KCNT1: variants seen among roughly 807,000 people sequenced by gnomAD.
KCNT1 encodes the protein potassium channel subfamily T member 1.
KCNT1 carries 78 observed loss-of-function variants against 147.8 expected under a neutral mutation model. That is an observed-to-expected ratio of 0.53 (90% CI 0.44 to 0.64). The LOEUF (loss-of-function observed/expected upper bound fraction) is 0.64. Ranked by LOEUF, KCNT1 falls within the 30% of genes least tolerant of loss-of-function variation. The pLI, the probability that KCNT1 is intolerant of heterozygous loss-of-function variation, is 0.00. For missense variants in KCNT1, 1,419 were observed against 1,750.3 expected, an observed-to-expected ratio of 0.81 and a Z score of 3.38; for synonymous variants, 867 against 748.8, an observed-to-expected ratio of 1.16 and a Z score of -2.58.
intron 29 of KCNT1, among the ~76,000 whole-genome samples, chr9:135,787,061 C>G (rs1233255640): frequency 2.0e-5 from 3 of 152,178 alleles, no homozygotes; most frequent in Admixed American, 2.0e-4. Context: ...CCCAGAGCCC[C>G]CAGCCCTCCC....
At chr9:135,731,985 T>TAGAGAG (rs1564327978) in intron 2 of KCNT1, among the ~76,000 whole-genome samples, 16 of 23,264 alleles carry the variant, frequency 6.9e-4, no homozygotes, top group East Asian at 2.0e-3. Flanking sequence ...TATATATATA[T>TAGAGAG]ATATATAGAG....
chr9:135,719,104 C>G (rs147631693), intron 2 of KCNT1, among the ~76,000 whole-genome samples: 3,770 of 152,310 alleles, frequency 0.025, 101 homozygotes, highest in East Asian at 0.12. Flanking sequence ...GCCATGCTGA[C>G]AGTCTCACTG....
chr9:135,785,748 A>C (rs750911029), intron 28 of KCNT1: 8 of 441,120 alleles, frequency 1.8e-5, no homozygotes, highest in Non-Finnish European at 3.3e-5. Flanking sequence ...CACGTTCCCC[A>C]GGTTCGGGGC....
At chr9:135,768,385 C>A in intron 13 of KCNT1, 1 of 239,770 alleles carries the variant, frequency 4.2e-6, no homozygotes, top group Non-Finnish European at 7.1e-6. Flanking sequence ...ACTGAGGGGG[C>A]ACTGTGACTC....
In KCNT1 at chr9:135,732,026, A is replaced by G. The variant is rs55827856; in HGVS notation, c.254+17306A>G. Among the ~76,000 whole-genome samples the G allele has an allele frequency of 7.9e-4, 104 of 131,754 alleles. 2 individuals are homozygous for G. Among genetic ancestry groups the G allele is most frequent in the African/African-American group, 1.8e-3 (65 of 35,622 alleles). The allele number at this position is 131,754 out of a possible 152,430, so 86.4% of individuals were successfully genotyped here. On this transcript the variant is annotated intron_variant, in intron 2 of 30. Transcript: ENST00000371757. ...GAGAGAGAGAGAGAGAGAGAGAGAG[A>G]GAGAGAGAGAGAGAGGGAGTCTCAC... is the stretch of plus-strand genomic sequence containing the variant.
At chr9:135,731,985 TATATATAGAGAGAGAG>T (rs1256440038) in intron 2 of KCNT1, among the ~76,000 whole-genome samples, 36 of 23,258 alleles carry the variant, frequency 1.5e-3, no homozygotes, top group African/African-American at 5.0e-3. Context: ...TATATATATA[TATATATAGAGAGAGAG>T]AGAGAGAGAG....
intron 1 of KCNT1, among the ~76,000 whole-genome samples, chr9:135,706,427 C>T (rs1835256764): frequency 6.6e-6 from 1 of 152,254 alleles, no homozygotes; most frequent in South Asian, 2.1e-4. Context: ...GTGAGAATGG[C>T]TCCTCCTCAC....
At chr9:135,771,188 AC>A in intron 18 of KCNT1, 93 bp downstream of exon 18, 1 of 1,176,182 alleles carries the variant, frequency 8.5e-7, no homozygotes, top group Non-Finnish European at 1.2e-6. Flanking sequence ...GGGATGGGAG[AC>A]CAGGCAGGAC....
intron 2 of KCNT1, among the ~76,000 whole-genome samples, chr9:135,741,849 C>T (rs1246750677): frequency 6.6e-6 from 1 of 152,256 alleles, no homozygotes; most frequent in Non-Finnish European, 1.5e-5. Context: ...AGAGAGGTCC[C>T]TCTGAAGTCC....
chr9:135,721,013 A>G (rs977157085), intron 2 of KCNT1, among the ~76,000 whole-genome samples: 1 of 152,202 alleles, frequency 6.6e-6, no homozygotes, highest in Admixed American at 6.5e-5. Context: ...GGCCGAGCCC[A>G]AGGGGCAGTG....
chr9:135,791,444 G>C (rs1834518814), intron 29 of KCNT1: 1 of 290,972 alleles, frequency 3.4e-6, no homozygotes. Flanking sequence ...ACACGTCCCG[G>C]TGTCTGCAGG....
chr9:135,784,483 C>CT, intron 25 of KCNT1, 52 bp from the exon 26 acceptor site: 1 of 43,964 alleles, frequency 2.3e-5, no homozygotes. Context: ...CTCACTGTGG[C>CT]TCCCTCCCTC....
rs375929015 is a variant in KCNT1, at chr9:135,758,395, G to A, written c.760-19G>A. On this transcript the variant is annotated intron_variant, in intron 9 of 30. Transcript: ENST00000371757. ...GGTCCACAGTCCCTGCCCGCTGACAGCCACCACTCCTTCCACAGAATGACT... is the reference window on the plus strand; with the variant it reads ...GGTCCACAGTCCCTGCCCGCTGACAACCACCACTCCTTCCACAGAATGACT... The A allele has an allele frequency of 6.9e-5, 111 of 1,598,910 alleles. No individual in the cohort carries two copies. The African/African-American group carries it at 1.3e-3, about 19-fold the overall frequency.
chr9:135,785,242 C>T (rs1833946864), intron 27 of KCNT1, 68 bp from the exon 28 acceptor site: 12 of 1,599,528 alleles, frequency 7.5e-6, no homozygotes, highest in East Asian at 2.2e-5. Flanking sequence ...GTGCAGACCC[C>T]AGGCTGAGGC....
intron 2 of KCNT1, among the ~76,000 whole-genome samples, chr9:135,724,560 T>C (rs1216086874): frequency 6.6e-6 from 1 of 152,236 alleles, no homozygotes; most frequent in Admixed American, 6.5e-5. Flanking sequence ...AAGTTGAGTG[T>C]CTGCTGTAGG....
rs1834712375 is a variant in KCNT1, at chr9:135,794,047, G to C, written c.*1886G>C. 6.6e-6 allele frequency: 1 copy of C among 152,422 alleles called. No homozygotes were observed. Among genetic ancestry groups the C allele is most frequent in the South Asian group, 2.1e-4 (1 of 4,840 alleles). The allele number at this position is 152,422 out of a possible 1,614,324, so 9.4% of individuals were successfully genotyped here. On this transcript the variant is annotated 3_prime_UTR_variant, in exon 31 of 31. Coordinates refer to ENST00000371757, the MANE Select transcript of KCNT1 (RefSeq NM_020822.3). Reference sequence around the variant, plus strand: ...ACACCCTGGCCCCCAGGCGAGGGGGGCTGCACAGCACCTGCAGGGAGGAGA... The same window carrying C: ...ACACCCTGGCCCCCAGGCGAGGGGGCCTGCACAGCACCTGCAGGGAGGAGA...
chr9:135,768,024 C>T (rs1215008092), intron 13 of KCNT1, among the ~76,000 whole-genome samples: 2 of 149,324 alleles, frequency 1.3e-5, no homozygotes, highest in African/African-American at 2.4e-5. Flanking sequence ...CCCCTGCCCC[C>T]ACCCGCTGTC....
intron 1 of KCNT1, among the ~76,000 whole-genome samples, chr9:135,709,204 G>A (rs1026167042): frequency 1.3e-5 from 2 of 152,170 alleles, no homozygotes; most frequent in African/African-American, 2.4e-5. Flanking sequence ...GAAAGCGGTC[G>A]TGTTTAGTTT....
intron 1 of KCNT1, among the ~76,000 whole-genome samples, chr9:135,706,051 CTG>C (rs1165268277): frequency 1.3e-5 from 2 of 152,218 alleles, no homozygotes; most frequent in Non-Finnish European, 1.5e-5. Context: ...CTTCTGGGAA[CTG>C]TGTCTGTGAG....
Sources: gnomAD v4.1 joint callset for allele counts (sites outside exome capture counted in the v4.1 genomes callset) on GRCh38, gnomAD v4.1.1 for gene constraint, MANE v1.5 for transcripts, NCBI Gene and HGNC (gene_info 2026-07-23, HGNC 2026-07-21) for gene names.